Variants in UQCRB observed in about 807,000 individuals in gnomAD.
The protein encoded by UQCRB is ubiquinol-cytochrome c reductase binding protein.
UQCRB carries 12 observed loss-of-function variants against 19.8 expected under a neutral mutation model. The ratio of observed to expected loss-of-function variants is 0.61; its 90% CI spans 0.39 to 0.98. The LOEUF is 0.98. Ranked by LOEUF, UQCRB falls within the 50% of genes least tolerant of loss-of-function variation. The pLI, the probability that UQCRB is intolerant of heterozygous loss-of-function variation, is 0.00. For missense variants in UQCRB, 142 were observed against 131.8 expected (o/e 1.08, Z -0.38); for synonymous variants, 39 against 42.9 (o/e 0.91, Z 0.35).
intron 1 of UQCRB, 111 bp downstream of exon 1, chr8:96,235,400 CT>C: frequency 3.4e-6 from 5 of 1,490,764 alleles, no homozygotes; most frequent in Non-Finnish European, 4.7e-6. Flanking sequence ...GCCAATTTCC[CT>C]TCCGCGACAA....
chr8:96,227,729 A>T lies in UQCRB; in HGVS notation c.*3326T>A, dbSNP rs1809557477. On this transcript the variant is annotated 3_prime_UTR_variant, in exon 4 of 4. Coordinates refer to ENST00000287022, the MANE Select transcript of UQCRB (RefSeq NM_006294.5). The stretch of plus-strand genomic sequence containing the variant: ...GGATTATTACTTTGGGCTTTGGCCC[A>T]GTTTTTATTCTTACTGCTGAATCTT... 1 of 453,624 alleles carries T rather than the reference A, an allele frequency of 2.2e-6. No homozygotes were observed. Among genetic ancestry groups the T allele is most frequent in the Admixed American group, 2.4e-5 (1 of 42,472 alleles). The allele number at this position is 453,624 out of a possible 1,614,324, so 28.1% of individuals were successfully genotyped here. A position where few individuals can be genotyped will look rare whatever the true frequency, so the allele number is the denominator to read the frequency against.
At chr8:96,232,996 A>C in intron 2 of UQCRB, 160 bp downstream of exon 2, 1 of 667,928 alleles carries the variant, frequency 1.5e-6, no homozygotes, top group Non-Finnish European at 2.5e-6. Flanking sequence ...TGGATTTAAC[A>C]TAATGTGATT....
intron 1 of UQCRB, 30 bp from the exon 2 acceptor site, chr8:96,233,257 A>G (rs1809719210): frequency 6.2e-7 from 1 of 1,605,976 alleles, no homozygotes; most frequent in African/African-American, 1.3e-5. Flanking sequence ...TAATTGCTAC[A>G]ATTTAATTAT....
rs867791990 is a variant in UQCRB at position 96,225,799 on chromosome 8, G to A, written c.*5256C>T. 5.9e-5 allele frequency: 9 copies of A among 151,862 alleles called. No individual in the cohort carries two copies. Among genetic ancestry groups the A allele is most frequent in the African/African-American group, 1.9e-4 (8 of 41,318 alleles). 9.4% of individuals were successfully genotyped at this position (151,862 alleles called of 1,614,324 possible). A position where few individuals can be genotyped will look rare whatever the true frequency, so the allele number is the denominator to read the frequency against. ...CCATAGTACCCAGTACATATTTTTT[G>A]TGGACAATTCACACAGTATGTACAT... On this transcript the variant is annotated 3_prime_UTR_variant, in exon 4 of 4. Coordinates refer to ENST00000287022, the MANE Select transcript of UQCRB (RefSeq NM_006294.5).
intron 2 of UQCRB, chr8:96,232,447 C>T (rs1036135101): frequency 6.4e-6 from 1 of 156,376 alleles, no homozygotes; most frequent in African/African-American, 2.4e-5. Flanking sequence ...TTACAAAGTT[C>T]TAAAAAAGCT....
Position 96,230,778 on chromosome 8 carries a change from T to C in UQCRB, c.*277A>G, listed in dbSNP as rs368632842. The C allele has an allele frequency of 1.0e-5, 6 of 588,088 alleles. No individual in the cohort carries two copies. The highest frequency in any genetic ancestry group is 7.6e-5 in the South Asian group (5 of 65,634). 36.4% of individuals were successfully genotyped at this position (588,088 alleles called of 1,614,324 possible). On this transcript the variant is annotated 3_prime_UTR_variant, in exon 4 of 4. Coordinates refer to ENST00000287022, the MANE Select transcript of UQCRB (RefSeq NM_006294.5). The stretch of plus-strand genomic sequence containing the variant: ...GAAGTTATATCCTTCCATAAACTGA[T>C]AGGCTATCCAACCAGTGAGGAAAAC...
Position 96,230,539 on chromosome 8 carries a change from CTTT to C in UQCRB, c.*513_*515del, listed in dbSNP as rs780442022. 2.2e-6 allele frequency: 1 copy of C among 453,762 alleles called. No homozygotes were observed. Among genetic ancestry groups the C allele is most frequent in the Non-Finnish European group, 4.4e-6 (1 of 226,776 alleles). 28.1% of individuals were successfully genotyped at this position (453,762 alleles called of 1,614,324 possible). A position where few individuals can be genotyped will look rare whatever the true frequency, so the allele number is the denominator to read the frequency against. Reference sequence around the variant, plus strand: ...CTTTATACTTTTATTTTTCTAACATCTTTTTGTTTTCTAGTATACATGTTAGCA... The same window carrying C: ...CTTTATACTTTTATTTTTCTAACATCTTGTTTTCTAGTATACATGTTAGCA... On this transcript the variant is annotated 3_prime_UTR_variant, in exon 4 of 4. Coordinates refer to ENST00000287022, the MANE Select transcript of UQCRB (RefSeq NM_006294.5).
rs529033451 is a variant in UQCRB at position 96,224,457 on chromosome 8, T to C, written c.*6598A>G. On this transcript the variant is annotated 3_prime_UTR_variant, in exon 4 of 4. Transcript: ENST00000287022. ...CAAAAGTGTCTATTTGTGCAGTCTT[T>C]ACATCAATTTATCTCTCCTGGGGTA... Among the ~76,000 whole-genome samples the C allele has an allele frequency of 7.2e-5, 11 of 152,266 alleles. No homozygotes were observed. In the East Asian group the frequency reaches 2.1e-3, roughly 29 times the overall value.
At position 96,224,330 on chromosome 8, in the gene UQCRB, T is replaced by C. The variant is rs1464435933; in HGVS notation, c.*6725A>G. ...AGCTGTAGCTTTCTTCAGAGGAACG[T>C]GGGCTGGGGAATAAATATCTCTGTC... On this transcript the variant is annotated 3_prime_UTR_variant, in exon 4 of 4. Coordinates refer to ENST00000287022, the MANE Select transcript of UQCRB (RefSeq NM_006294.5). 1.3e-5 allele frequency among the ~76,000 whole-genome samples: 2 copies of C among 152,170 alleles called. No homozygotes were observed. The highest frequency in any genetic ancestry group is 2.9e-5 in the Non-Finnish European group (2 of 68,018).
rs989941214 is a variant in UQCRB at position 96,226,012 on chromosome 8, C to T, written c.*5043G>A. On this transcript the variant is annotated 3_prime_UTR_variant, in exon 4 of 4. Coordinates refer to ENST00000287022, the MANE Select transcript of UQCRB (RefSeq NM_006294.5). ...GGCAGGAGGCGCTACTGGTACCTAT[C>T]GTGTAGAAGCCAGGATGCTGCTAAA... is the stretch of plus-strand genomic sequence containing the variant. 1 of 152,098 alleles carries T rather than the reference C, an allele frequency of 6.6e-6. No homozygotes were observed. The highest frequency in any genetic ancestry group is 1.5e-5 in the Non-Finnish European group (1 of 68,026). 9.4% of individuals were successfully genotyped at this position (152,098 alleles called of 1,614,324 possible). A position where few individuals can be genotyped will look rare whatever the true frequency, so the allele number is the denominator to read the frequency against.
chr8:96,233,355 G>T (rs985587932), intron 1 of UQCRB, 128 bp from the exon 2 acceptor site: 4 of 798,218 alleles, frequency 5.0e-6, no homozygotes, highest in Admixed American at 2.0e-5. Context: ...CCTTTTAAAA[G>T]TATATAGTAT....
At chr8:96,234,749 GCGACAAAGCAAGACTCCGTCTCAA>G (rs1809762095) in intron 1 of UQCRB, 1 of 312,988 alleles carries the variant, frequency 3.2e-6, no homozygotes, top group Admixed American at 4.2e-5. Flanking sequence ...TCCAGCCTGG[GCGACAAAGCAAGACTCCGTCTCAA>G]AGACAAAACA....
chr8:96,231,916 TA>T lies in UQCRB; in HGVS notation c.115del (p.Tyr39ThrfsTer6). On this transcript the variant is annotated frameshift_variant, in exon 3 of 4. Coordinates refer to ENST00000287022, the MANE Select transcript of UQCRB (RefSeq NM_006294.5). LOFTEE classifies it high-confidence loss of function. ...KLGLMRDDTI[Y>X]EDEDVKEAIR... ...GGCTTCTTTTACATCTTCATCCTCG[TA>T]TATTGTATCATCTCGCATTAACCCT... is the stretch of plus-strand genomic sequence containing the variant. 1 of 1,613,698 alleles carries T rather than the reference TA, an allele frequency of 6.2e-7. No homozygotes were observed. Among genetic ancestry groups the T allele is most frequent in the Non-Finnish European group, 8.5e-7 (1 of 1,180,026 alleles).
chr8:96,235,015 A>G (rs962623011), intron 1 of UQCRB: 3 of 249,440 alleles, frequency 1.2e-5, no homozygotes, highest in Admixed American at 5.2e-5. Context: ...GGGTGCAATG[A>G]TATTTCCAAT....
Position 96,233,272 on chromosome 8 carries a change from T to C in UQCRB, c.20-45A>G, listed in dbSNP as rs138561527. 5.0e-4 allele frequency: 783 copies of C among 1,577,148 alleles called. 5 individuals carry two copies. The Admixed American group carries it at 0.012, about 24-fold the overall frequency. The stretch of plus-strand genomic sequence containing the variant: ...TAATTGCTACAATTTAATTATACTA[T>C]ATGAACACATTGATAGGCAAGCAAC... On this transcript the variant is annotated intron_variant, in intron 1 of 3. Transcript: ENST00000287022.
At chr8:96,232,932 G>C in intron 2 of UQCRB, 2 of 519,734 alleles carry the variant, frequency 3.8e-6, no homozygotes, top group East Asian at 3.3e-5. Context: ...TTACCAAGTC[G>C]AACATTTTAG....
rs1809487884 is a variant in UQCRB at position 96,223,994 on chromosome 8, A to T, written c.*7061T>A. ...GTCTCCTGGAGTCTGACTCTGGGGCATGAGTTAGCTTACCTCAAAGAAGCA... is the reference window on the plus strand; with the variant it reads ...GTCTCCTGGAGTCTGACTCTGGGGCTTGAGTTAGCTTACCTCAAAGAAGCA... On this transcript the variant is annotated 3_prime_UTR_variant, in exon 4 of 4. Coordinates refer to ENST00000287022, the MANE Select transcript of UQCRB (RefSeq NM_006294.5). 6.6e-6 allele frequency among the ~76,000 whole-genome samples: 1 copy of T among 152,178 alleles called. No homozygotes were observed. The highest frequency in any genetic ancestry group is 6.5e-5 in the Admixed American group (1 of 15,276).
chr8:96,231,210 A>G (rs755002616), intron 3 of UQCRB, 78 bp from the exon 4 acceptor site: 1 of 1,613,420 alleles, frequency 6.2e-7, no homozygotes, highest in Admixed American at 1.7e-5. Context: ...TTCAATAACA[A>G]GAAAAAAGCA....
Position 96,227,378 on chromosome 8 carries a change from G to C in UQCRB, c.*3677C>G, listed in dbSNP as rs2129778281. On this transcript the variant is annotated 3_prime_UTR_variant, in exon 4 of 4. Transcript: ENST00000287022. ...GAGAAATCTTCCATAGTGCTCGTGTGATGTACACTAAGTTGTAAAGTTATA... is the reference window on the plus strand; with the variant it reads ...GAGAAATCTTCCATAGTGCTCGTGTCATGTACACTAAGTTGTAAAGTTATA... 1 of 454,090 alleles carries C rather than the reference G, an allele frequency of 2.2e-6. No individual in the cohort carries two copies. The highest frequency in any genetic ancestry group is 1.6e-5 in the South Asian group (1 of 64,478). 28.1% of individuals were successfully genotyped at this position (454,090 alleles called of 1,614,324 possible). A position where few individuals can be genotyped will look rare whatever the true frequency, so the allele number is the denominator to read the frequency against.
Sources: gnomAD v4.1 joint callset for allele counts (sites outside exome capture counted in the v4.1 genomes callset) on GRCh38, gnomAD v4.1.1 for gene constraint, MANE v1.5 for transcripts, NCBI Gene and HGNC (gene_info 2026-07-23, HGNC 2026-07-21) for gene names.